The following PRKAR2B variants were observed in gnomAD, a reference collection of about 807,000 sequenced individuals.
PRKAR2B encodes the protein cAMP-dependent protein kinase type II-beta regulatory subunit.
A neutral mutation model predicts 49.9 loss-of-function variants in PRKAR2B; 14 were observed. That is an observed-to-expected ratio of 0.28 (90% CI 0.19 to 0.44). PRKAR2B has a LOEUF of 0.44. Among genes scored for constraint, PRKAR2B ranks in the 20% least tolerant of loss-of-function variants. The pLI, the probability that PRKAR2B is intolerant of heterozygous loss-of-function variation, is 1.00. For missense variants in PRKAR2B, 393 were observed against 537.9 expected (o/e 0.73, Z 2.67); for synonymous variants, 196 against 197.7 (o/e 0.99, Z 0.07).
At chr7:107,153,511 T>C (rs921941164) in intron 8 of PRKAR2B, among the ~76,000 whole-genome samples, 2 of 152,208 alleles carry the variant, frequency 1.3e-5, no homozygotes, top group African/African-American at 2.4e-5. Context: ...TAGTCATTTA[T>C]AAGAGGAAAA....
chr7:107,055,061 T>G (rs1280278368), intron 1 of PRKAR2B, among the ~76,000 whole-genome samples: 4 of 150,008 alleles, frequency 2.7e-5, no homozygotes, highest in Non-Finnish European at 4.4e-5. Context: ...GAACATGCGG[T>G]GTTTGGTTTT....
intron 1 of PRKAR2B, among the ~76,000 whole-genome samples, chr7:107,051,247 A>G (rs1332166097): frequency 1.3e-5 from 2 of 152,250 alleles, no homozygotes; most frequent in Non-Finnish European, 1.5e-5. Flanking sequence ...AGGATGGGCT[A>G]AAGAAAAGTA....
intron 10 of PRKAR2B, 134 bp downstream of exon 10, chr7:107,157,458 C>G: frequency 1.8e-6 from 2 of 1,126,204 alleles, no homozygotes; most frequent in Non-Finnish European, 2.4e-6. Flanking sequence ...GATTAGGACT[C>G]ATTGCCTTAT....
chr7:107,097,456 T>C (rs986959529), intron 2 of PRKAR2B, among the ~76,000 whole-genome samples: 2 of 152,216 alleles, frequency 1.3e-5, no homozygotes, highest in Non-Finnish European at 2.9e-5. Flanking sequence ...TCTTGACTCT[T>C]TATCCACTTT....
chr7:107,128,381 C>G, intron 4 of PRKAR2B, 86 bp downstream of exon 4: 3 of 1,019,688 alleles, frequency 2.9e-6, no homozygotes, highest in African/African-American at 3.4e-5. Context: ...GAGTTTTGCC[C>G]TCTTTGTAAG....
chr7:107,094,830 T>C (rs968194917), intron 2 of PRKAR2B, among the ~76,000 whole-genome samples: 1 of 152,220 alleles, frequency 6.6e-6, no homozygotes, highest in African/African-American at 2.4e-5. Context: ...ATGTGTGGTA[T>C]TATTTCTGAG....
intron 1 of PRKAR2B, among the ~76,000 whole-genome samples, chr7:107,048,044 A>C (rs1177754642): frequency 6.6e-6 from 1 of 152,212 alleles, no homozygotes; most frequent in African/African-American, 2.4e-5. Flanking sequence ...CAGCTTTATG[A>C]GAACGATAAG....
At chr7:107,157,816 C>T (rs1408095026) in intron 10 of PRKAR2B, among the ~76,000 whole-genome samples, 3 of 152,152 alleles carry the variant, frequency 2.0e-5, no homozygotes, top group African/African-American at 7.2e-5. Flanking sequence ...ACCAGAGTAG[C>T]TTGGCAGAAA....
chr7:107,090,526 A>G (rs1266047597), intron 2 of PRKAR2B, among the ~76,000 whole-genome samples: 1 of 152,210 alleles, frequency 6.6e-6, no homozygotes, highest in Non-Finnish European at 1.5e-5. Flanking sequence ...ATGTCAGCTT[A>G]TGAGAACTGT....
intron 2 of PRKAR2B, among the ~76,000 whole-genome samples, chr7:107,104,111 A>G (rs1053186930): frequency 2.0e-5 from 3 of 151,884 alleles, no homozygotes; most frequent in South Asian, 2.1e-4. Context: ...GGCTTACTGC[A>G]ACCTCCGCCT....
Position 107,159,305 on chromosome 7 carries a change from A to G in PRKAR2B, c.1124-144A>G, listed in dbSNP as rs140535045. 341 of 901,868 alleles carry G rather than the reference A, an allele frequency of 3.8e-4. No homozygotes were observed. In the African/African-American group the frequency reaches 5.2e-3, roughly 14 times the overall value. The allele number at this position is 901,868 out of a possible 1,614,324, so 55.9% of individuals were successfully genotyped here. ...CTTTTTCAAGTGGAACATTTTTATC[A>G]TTATGCTTTTTCTTGTATTTTATAG... On this transcript the variant is annotated intron_variant, in intron 10 of 10. Coordinates refer to ENST00000265717, the MANE Select transcript of PRKAR2B (RefSeq NM_002736.3).
chr7:107,136,010 G>A (rs1795695836), intron 4 of PRKAR2B, among the ~76,000 whole-genome samples: 1 of 152,166 alleles, frequency 6.6e-6, no homozygotes, highest in South Asian at 2.1e-4. Context: ...ACAGAACAGA[G>A]AACCCGGTAA....
chr7:107,160,780 ATAGTT>A lies in PRKAR2B; in HGVS notation c.*1199_*1203del, dbSNP rs1276845895. The A allele has an allele frequency of 7.2e-5, 11 of 152,322 alleles. No individual in the cohort carries two copies. The highest frequency in any genetic ancestry group is 2.6e-4 in the African/African-American group (11 of 41,586). 9.4% of individuals were successfully genotyped at this position (152,322 alleles called of 1,614,324 possible). A position where few individuals can be genotyped will look rare whatever the true frequency, so the allele number is the denominator to read the frequency against. On this transcript the variant is annotated 3_prime_UTR_variant, in exon 11 of 11. Coordinates refer to ENST00000265717, the MANE Select transcript of PRKAR2B (RefSeq NM_002736.3). Reference sequence around the variant, plus strand: ...CTTGCCATTGCTTTAATGTAGACTCATAGTTGAAATTAGTGCAGAAAGAACTCAGA... The same window carrying A: ...CTTGCCATTGCTTTAATGTAGACTCAGAAATTAGTGCAGAAAGAACTCAGA...
At chr7:107,147,156 A>G (rs1795908630) in intron 6 of PRKAR2B, among the ~76,000 whole-genome samples, 1 of 152,146 alleles carries the variant, frequency 6.6e-6, no homozygotes, top group African/African-American at 2.4e-5. Context: ...CTAAAAATAC[A>G]AAAAATTAGC....
At chr7:107,109,187 A>G (rs559399035) in intron 2 of PRKAR2B, among the ~76,000 whole-genome samples, 1 of 152,314 alleles carries the variant, frequency 6.6e-6, no homozygotes, top group Admixed American at 6.5e-5. Context: ...TGTCTTATGC[A>G]AATGAACTAT....
In PRKAR2B at chr7:107,086,725, A is replaced by G. The variant is rs1233862595; in HGVS notation, c.343+16409A>G. ...TGATCTGCCAAGCTTGGCCTCCCAG[A>G]GTGCTGGGATTAGGCATGCGCCCCC... On this transcript the variant is annotated intron_variant, in intron 2 of 10. Transcript: ENST00000265717. Among the ~76,000 whole-genome samples, 4 of 152,256 alleles carry G rather than the reference A, an allele frequency of 2.6e-5. No individual in the cohort carries two copies. The East Asian group carries it at 5.8e-4, about 22-fold the overall frequency.
At chr7:107,117,928 C>G (rs1370532938) in intron 2 of PRKAR2B, among the ~76,000 whole-genome samples, 4 of 152,172 alleles carry the variant, frequency 2.6e-5, no homozygotes, top group Non-Finnish European at 4.4e-5. Flanking sequence ...GTAGTATATA[C>G]ATATATGCAC....
chr7:107,116,790 A>G (rs754777276), intron 2 of PRKAR2B, among the ~76,000 whole-genome samples: 10 of 151,772 alleles, frequency 6.6e-5, no homozygotes, highest in Non-Finnish European at 1.5e-4. Flanking sequence ...CCTGGGCAGA[A>G]ATGTGAATGA....
intron 5 of PRKAR2B, among the ~76,000 whole-genome samples, chr7:107,144,931 A>G (rs1221911060): frequency 6.6e-6 from 1 of 152,020 alleles, no homozygotes; most frequent in African/African-American, 2.4e-5. Flanking sequence ...CTGATAAAAT[A>G]CAGTATGCGG....
Sources: gnomAD v4.1 joint callset for allele counts (sites outside exome capture counted in the v4.1 genomes callset) on GRCh38, gnomAD v4.1.1 for gene constraint, MANE v1.5 for transcripts, NCBI Gene and HGNC (gene_info 2026-07-23, HGNC 2026-07-21) for gene names.